RGS20: variants seen among roughly 807,000 people sequenced by gnomAD.
The protein encoded by RGS20 is regulator of G protein signaling 20.
In RGS20, 30 loss-of-function variants were observed where a neutral mutation model predicts 33.6. That is an observed-to-expected ratio of 0.89 (90% CI 0.67 to 1.21). The LOEUF is 1.21. Ranked by LOEUF, RGS20 falls within the 50% of genes most tolerant of loss-of-function variation. The pLI is 0.00. For synonymous variants in RGS20, 208 were observed against 197.9 expected, an observed-to-expected ratio of 1.05 and a Z score of -0.43; for missense variants, 472 against 502.4, an observed-to-expected ratio of 0.94 and a Z score of 0.58.
chr8:53,857,885 T>C (rs557492734), intron 1 of RGS20, among the ~76,000 whole-genome samples: 1 of 152,270 alleles, frequency 6.6e-6, no homozygotes, highest in South Asian at 2.1e-4. Flanking sequence ...AGCAAATTTT[T>C]AACTGTCTCA....
intron 2 of RGS20, among the ~76,000 whole-genome samples, chr8:53,902,926 A>G (rs1813070549): frequency 6.6e-6 from 1 of 152,178 alleles, no homozygotes; most frequent in Admixed American, 6.5e-5. Context: ...GGATTTCGCC[A>G]TGATGGCCAG....
intron 2 of RGS20, among the ~76,000 whole-genome samples, chr8:53,900,357 G>C (rs1812980859): frequency 6.6e-6 from 1 of 151,924 alleles, no homozygotes; most frequent in African/African-American, 2.4e-5. Context: ...GCCCAGGCTG[G>C]TCTCAAACTC....
intron 2 of RGS20, among the ~76,000 whole-genome samples, chr8:53,897,920 C>T (rs755377970): frequency 4.6e-5 from 7 of 152,168 alleles, no homozygotes; most frequent in African/African-American, 1.4e-4. Context: ...TTATACAGAG[C>T]GGCTGATAGG....
chr8:53,947,451 A>G (rs181036439), intron 4 of RGS20, among the ~76,000 whole-genome samples: 379 of 138,190 alleles, frequency 2.7e-3, no homozygotes, highest in African/African-American at 9.8e-3. Flanking sequence ...ATACATTTAT[A>G]TATGCTATAT....
rs1001324333 is a variant in RGS20, at chr8:53,879,729, G to C, written c.510+127G>C. On this transcript the variant is annotated intron_variant, in intron 2 of 5. Coordinates refer to ENST00000297313, the MANE Select transcript of RGS20 (RefSeq NM_170587.4). Reference sequence around the variant, plus strand: ...GCAGTAGGGAGGGTGGCAAGGTCGGGAAGGCCGGGACGTGGCTGGGCAAGT... The same window carrying C: ...GCAGTAGGGAGGGTGGCAAGGTCGGCAAGGCCGGGACGTGGCTGGGCAAGT... 3.6e-6 allele frequency: 3 copies of C among 823,916 alleles called. No homozygotes were observed. The Admixed American group carries it at 1.1e-4, about 31-fold the overall frequency. 51.0% of individuals were successfully genotyped at this position (823,916 alleles called of 1,614,324 possible). A position where few individuals can be genotyped will look rare whatever the true frequency, so the allele number is the denominator to read the frequency against.
chr8:53,904,862 A>G (rs894778613), intron 2 of RGS20, among the ~76,000 whole-genome samples: 1 of 152,236 alleles, frequency 6.6e-6, no homozygotes. Context: ...TATTTCCTTC[A>G]TATCATACTC....
At chr8:53,920,389 C>G (rs1244116683) in intron 2 of RGS20, among the ~76,000 whole-genome samples, 1 of 151,928 alleles carries the variant, frequency 6.6e-6, no homozygotes, top group Non-Finnish European at 1.5e-5. Flanking sequence ...TTGCTGAACT[C>G]ATTTATTAGT....
chr8:53,927,074 T>G (rs1426511035), intron 2 of RGS20, among the ~76,000 whole-genome samples: 1 of 152,242 alleles, frequency 6.6e-6, no homozygotes, highest in Non-Finnish European at 1.5e-5. Context: ...TCTTAGATGT[T>G]GAGTTCCTAG....
chr8:53,941,811 C>T (rs1814305273), intron 3 of RGS20, among the ~76,000 whole-genome samples: 1 of 152,112 alleles, frequency 6.6e-6, no homozygotes, highest in African/African-American at 2.4e-5. Context: ...ACCAACTCAT[C>T]CCCACTGATA....
At chr8:53,874,060 C>T (rs770676810) in intron 1 of RGS20, among the ~76,000 whole-genome samples, 21 of 151,804 alleles carry the variant, frequency 1.4e-4, no homozygotes, top group Non-Finnish European at 2.2e-4. Context: ...ATTAGTTGGG[C>T]GTCATGGCAC....
Position 53,958,320 on chromosome 8 carries a change from G to A in RGS20, c.1029G>A (p.Glu343=), listed in dbSNP as rs1433333699. ...AAGTGATCAACAGAAACATGGTGGA[G>A]CCATCCCAACACATATTCGATGATG... Residue 343 remains glutamate (E), a synonymous_variant, in exon 6 of 6, where the codon GAG becomes GAA. Coordinates refer to ENST00000297313, the MANE Select transcript of RGS20 (RefSeq NM_170587.4). 6.2e-7 allele frequency: 1 copy of A among 1,613,498 alleles called. No individual in the cohort carries two copies.
intron 1 of RGS20, among the ~76,000 whole-genome samples, chr8:53,867,799 T>C (rs887566792): frequency 1.3e-5 from 2 of 152,084 alleles, no homozygotes; most frequent in African/African-American, 4.8e-5. Flanking sequence ...CCCAGCTAAC[T>C]GCAGCCTAAA....
intron 2 of RGS20, among the ~76,000 whole-genome samples, chr8:53,896,914 CTA>C (rs1369652025): frequency 6.6e-6 from 1 of 152,132 alleles, no homozygotes; most frequent in Admixed American, 6.5e-5. Flanking sequence ...TAGGAGCTTG[CTA>C]TTTCATACCA....
At chr8:53,913,356 C>T (rs1032371480) in intron 2 of RGS20, 2 of 152,198 alleles carry the variant, frequency 1.3e-5, no homozygotes, top group African/African-American at 2.4e-5. Context: ...CAGTTCGGGA[C>T]AGAAGCATTA....
chr8:53,922,879 T>G (rs1193518986), intron 2 of RGS20, among the ~76,000 whole-genome samples: 1 of 152,160 alleles, frequency 6.6e-6, no homozygotes, highest in Non-Finnish European at 1.5e-5. Flanking sequence ...CAGGCTGGTC[T>G]TGAACTCCTG....
chr8:53,951,747 C>T (rs775219835), intron 4 of RGS20, among the ~76,000 whole-genome samples: 7 of 151,684 alleles, frequency 4.6e-5, no homozygotes, highest in South Asian at 2.1e-4. Flanking sequence ...CCGAGCACTG[C>T]GGCACACGCC....
At chr8:53,889,745 G>A (rs1812661785) in intron 2 of RGS20, among the ~76,000 whole-genome samples, 1 of 151,836 alleles carries the variant, frequency 6.6e-6, no homozygotes, top group African/African-American at 2.4e-5. Context: ...GTGTGTGTGT[G>A]TGTGTGTGTG....
chr8:53,888,642 A>G (rs1812614936), intron 2 of RGS20, among the ~76,000 whole-genome samples: 2 of 152,132 alleles, frequency 1.3e-5, no homozygotes, highest in Non-Finnish European at 2.9e-5. Context: ...TCTGGGGCCA[A>G]AATCACTCAC....
chr8:53,870,213 G>A (rs2129271327), intron 1 of RGS20, among the ~76,000 whole-genome samples: 1 of 152,148 alleles, frequency 6.6e-6, no homozygotes, highest in Admixed American at 6.5e-5. Context: ...CAGCTCCTAA[G>A]CTCTATGCAT....
Sources: allele counts gnomAD v4.1 joint callset (sites outside exome capture counted in the v4.1 genomes callset), GRCh38; gene constraint gnomAD v4.1.1; transcripts MANE v1.5; gene names NCBI Gene and HGNC (gene_info 2026-07-23, HGNC 2026-07-21).